DHRS7C: variants seen among roughly 807,000 people sequenced by gnomAD.
DHRS7C encodes the protein dehydrogenase/reductase SDR family member 7C.
Under a neutral mutation model 29.6 loss-of-function variants are expected in DHRS7C, and 28 were observed. The ratio of observed to expected loss-of-function variants is 0.95; its 90% confidence interval spans 0.70 to 1.30. The LOEUF (loss-of-function observed/expected upper bound fraction) is 1.30, where lower values mean the gene tolerates loss of function less well. Among genes scored for constraint, DHRS7C ranks in the 50% most tolerant of loss-of-function variants. The probability of loss-of-function intolerance (pLI) is 0.00; values close to 1 mark genes in which losing one functional copy is unlikely to be tolerated. For missense variants in DHRS7C, 403 were observed against 393.3 expected (o/e 1.02, Z -0.21); for synonymous variants, 158 against 160.2 (o/e 0.99, Z 0.10).
rs1316270032 is a variant in DHRS7C at position 9,771,632 on chromosome 17, G to A, written c.792C>T (p.Thr264=). Residue 264 remains threonine (T), a synonymous_variant, in exon 6 of 6, where the codon ACC becomes ACT. Coordinates refer to ENST00000571134, the MANE Select transcript of DHRS7C (RefSeq NM_001105571.3). ...ACACCTCTTGCTTCTTCCTCCGCAC[G>A]GTGCGCATCACCTCCTCCGCCACCT... ...PVEVAEEVMR[T]VRRKKQEVFM... The A allele has an allele frequency of 1.3e-6, 2 of 1,594,570 alleles. No individual in the cohort carries two copies. Among genetic ancestry groups the A allele is most frequent in the Middle Eastern group, 1.7e-4 (1 of 6,006 alleles).
At chr17:9,786,486 A>G (rs1225575777) in intron 1 of DHRS7C, among the ~76,000 whole-genome samples, 3 of 151,890 alleles carry the variant, frequency 2.0e-5, no homozygotes, top group Non-Finnish European at 4.4e-5. Flanking sequence ...ATGCTCGCTC[A>G]TGACTGGTTA....
chr17:9,776,119 CTT>C (rs1294425035), intron 4 of DHRS7C, among the ~76,000 whole-genome samples: 3 of 152,234 alleles, frequency 2.0e-5, no homozygotes, highest in Admixed American at 2.0e-4. Context: ...AGAAGAATCT[CTT>C]GATCCTGGGA....
chr17:9,773,807 C>T (rs1246081147), intron 4 of DHRS7C, among the ~76,000 whole-genome samples: 1 of 148,230 alleles, frequency 6.7e-6, no homozygotes, highest in Non-Finnish European at 1.5e-5. Context: ...TCACTGCAAG[C>T]TCCACCTCCC....
In DHRS7C at chr17:9,774,875, G is replaced by C. The variant is rs967044745; in HGVS notation, c.572-1953C>G. The stretch of plus-strand genomic sequence containing the variant: ...AAGAAGAGAATTTGGGGCCAGTCCA[G>C]GGTGGCATGGCTTCAGTTCTGACAT... On this transcript the variant is annotated intron_variant, in intron 4 of 5. Transcript: ENST00000571134. The surrounding 1 kb of genome is among the most constrained non-coding windows in gnomAD (Gnocchi z 5.0). 2.0e-5 allele frequency among the ~76,000 whole-genome samples: 3 copies of C among 152,216 alleles called. No homozygotes were observed. The highest frequency in any genetic ancestry group is 4.4e-5 in the Non-Finnish European group (3 of 68,042).
chr17:9,784,700 G>A (rs917053298), intron 1 of DHRS7C, among the ~76,000 whole-genome samples: 1 of 152,156 alleles, frequency 6.6e-6, no homozygotes, highest in Non-Finnish European at 1.5e-5. Flanking sequence ...CACAAAAGAA[G>A]TATCAAGATA....
chr17:9,783,166 C>A (rs1275914598), intron 1 of DHRS7C, among the ~76,000 whole-genome samples: 1 of 152,146 alleles, frequency 6.6e-6, no homozygotes, highest in African/African-American at 2.4e-5. Flanking sequence ...GTGTACTGGG[C>A]ATCCTGAGAG....
intron 1 of DHRS7C, among the ~76,000 whole-genome samples, chr17:9,786,416 A>G (rs2152018526): frequency 6.6e-6 from 1 of 151,012 alleles, no homozygotes. Flanking sequence ...CAAGCTGCAG[A>G]GGAAGGACTC....
Position 9,774,732 on chromosome 17 carries a change from C to T in DHRS7C, c.572-1810G>A, listed in dbSNP as rs1177255678. 6.6e-6 allele frequency among the ~76,000 whole-genome samples: 1 copy of T among 152,178 alleles called. No individual in the cohort carries two copies. Among genetic ancestry groups the T allele is most frequent in the African/African-American group, 2.4e-5 (1 of 41,430 alleles). On this transcript the variant is annotated intron_variant, in intron 4 of 5. Transcript: ENST00000571134. This position sits in a 1 kb window ranked among gnomAD's most constrained non-coding sequence, Gnocchi z 5.0. ...CTGGGTGGATGGTAAGGGAACTGTGCTGGGGTGCTCAGGGACACTGAATTC... is the reference window on the plus strand; with the variant it reads ...CTGGGTGGATGGTAAGGGAACTGTGTTGGGGTGCTCAGGGACACTGAATTC...
In DHRS7C at chr17:9,774,710, G is replaced by C. The variant is rs1389802959; in HGVS notation, c.572-1788C>G. On this transcript the variant is annotated intron_variant, in intron 4 of 5. Coordinates refer to ENST00000571134, the MANE Select transcript of DHRS7C (RefSeq NM_001105571.3). The surrounding 1 kb of genome is among the most constrained non-coding windows in gnomAD (Gnocchi z 5.0). The stretch of plus-strand genomic sequence containing the variant: ...CTCAGAGCCCCCATCTCCTTGCCTG[G>C]GTGGATGGTAAGGGAACTGTGCTGG... Among the ~76,000 whole-genome samples the C allele has an allele frequency of 1.3e-5, 2 of 152,152 alleles. No homozygotes were observed. Among genetic ancestry groups the C allele is most frequent in the Non-Finnish European group, 2.9e-5 (2 of 68,024 alleles).
intron 1 of DHRS7C, 40 bp from the exon 2 acceptor site, chr17:9,781,634 G>C (rs1466686033): frequency 6.3e-7 from 1 of 1,595,250 alleles, no homozygotes; most frequent in Admixed American, 1.7e-5. Flanking sequence ...ACACTGTGTG[G>C]ATGGAGCCAC....
At chr17:9,782,739 C>A (rs912507205) in intron 1 of DHRS7C, among the ~76,000 whole-genome samples, 9 of 152,188 alleles carry the variant, frequency 5.9e-5, no homozygotes, top group Non-Finnish European at 1.2e-4. Flanking sequence ...GGAAGAGGCA[C>A]CAACAGCACC....
Position 9,779,839 on chromosome 17 carries a change from A to G in DHRS7C, c.464T>C (p.Ile155Thr). Residue 155 changes from isoleucine (I) to threonine (T), a missense_variant, in exon 3 of 6, where the codon ATC becomes ACC. Physicochemically the swap from Ile to Thr is moderately conservative, Grantham distance 89. Coordinates refer to ENST00000571134, the MANE Select transcript of DHRS7C (RefSeq NM_001105571.3). Reference sequence around the variant, plus strand: ...ACTCACGAGACCTTTCGTCAATGTGATGGGGCCAAAGTAATTGGCATCCAT... The same window carrying G: ...ACTCACGAGACCTTTCGTCAATGTGGTGGGGCCAAAGTAATTGGCATCCAT... ...KIMDANYFGP[I>T]TLTKALLPNM... is the part of the protein sequence containing the mutation. 1.2e-6 allele frequency: 2 copies of G among 1,612,866 alleles called. No individual in the cohort carries two copies. The highest frequency in any genetic ancestry group is 1.7e-6 in the Non-Finnish European group (2 of 1,179,466).
chr17:9,774,612 GAT>G lies in DHRS7C; in HGVS notation c.572-1692_572-1691del, dbSNP rs2066351429. On this transcript the variant is annotated intron_variant, in intron 4 of 5. Coordinates refer to ENST00000571134, the MANE Select transcript of DHRS7C (RefSeq NM_001105571.3). This position sits in a 1 kb window ranked among gnomAD's most constrained non-coding sequence, Gnocchi z 5.0. ...TGTGGCATGGTTAATGCAGGAAAGA[GAT>G]GTGTGCCTGCAGCAGGAGGGACACA... is the stretch of plus-strand genomic sequence containing the variant. Among the ~76,000 whole-genome samples, 3 of 152,286 alleles carry G rather than the reference GAT, an allele frequency of 2.0e-5. No individual in the cohort carries two copies. Among genetic ancestry groups the G allele is most frequent in the African/African-American group, 7.2e-5 (3 of 41,554 alleles).
At chr17:9,780,167 C>G in intron 2 of DHRS7C, 132 bp from the exon 3 acceptor site, 1 of 777,544 alleles carries the variant, frequency 1.3e-6, no homozygotes, top group Admixed American at 3.0e-5. Context: ...AAAAAAAAGA[C>G]GAAGAAGCAG....
At chr17:9,772,986 A>T in intron 4 of DHRS7C, 64 bp from the exon 5 acceptor site, 2 of 1,581,484 alleles carry the variant, frequency 1.3e-6, no homozygotes, top group Non-Finnish European at 1.7e-6. Context: ...TGGTGGGCGC[A>T]TTGGAGGCAG....
chr17:9,788,395 C>T (rs1030644824), intron 1 of DHRS7C, among the ~76,000 whole-genome samples: 5 of 151,614 alleles, frequency 3.3e-5, no homozygotes, highest in South Asian at 4.2e-4. Context: ...TCAGTAGAGA[C>T]GGGGTTTTAC....
rs910490375 is a variant in DHRS7C at position 9,781,648 on chromosome 17, C to G, written c.155-54G>C. 5 of 1,556,196 alleles carry G rather than the reference C, an allele frequency of 3.2e-6. No homozygotes were observed. The East Asian group carries it at 6.7e-5, about 21-fold the overall frequency. On this transcript the variant is annotated intron_variant, in intron 1 of 5. Coordinates refer to ENST00000571134, the MANE Select transcript of DHRS7C (RefSeq NM_001105571.3). Reference sequence around the variant, plus strand: ...CACACTGTGTGGATGGAGCCACTGACAGTGAACCCCCTCTCTTGGGAACTC... The same window carrying G: ...CACACTGTGTGGATGGAGCCACTGAGAGTGAACCCCCTCTCTTGGGAACTC...
intron 1 of DHRS7C, among the ~76,000 whole-genome samples, chr17:9,783,689 G>A (rs2066406176): frequency 1.3e-5 from 2 of 152,194 alleles, no homozygotes; most frequent in Non-Finnish European, 2.9e-5. Flanking sequence ...GTGGGAGCTG[G>A]GCGCGGTGGC....
intron 1 of DHRS7C, among the ~76,000 whole-genome samples, chr17:9,786,008 G>C (rs764928188): frequency 6.6e-6 from 1 of 151,892 alleles, no homozygotes; most frequent in African/African-American, 2.4e-5. Context: ...CCACCGTGAC[G>C]GAAGGATTTT....
Sources: gnomAD v4.1 joint callset for allele counts (sites outside exome capture counted in the v4.1 genomes callset) on GRCh38, gnomAD v4.1.1 for gene constraint, Gnocchi (gnomAD v3.1) non-coding constraint, MANE v1.5 for transcripts, NCBI Gene and HGNC (gene_info 2026-07-23, HGNC 2026-07-21) for gene names.